Variants in SNTG1 observed in about 807,000 individuals in gnomAD.
SNTG1 encodes syntrophin gamma 1, also known as gamma-1-syntrophin.
In SNTG1, 39 loss-of-function variants were observed where a neutral mutation model predicts 74.7. The ratio of observed to expected loss-of-function variants is 0.52; its 90% CI spans 0.40 to 0.68. The LOEUF (loss-of-function observed/expected upper bound fraction) is 0.68. SNTG1 is among the 30% of genes least tolerant of loss of function. The probability of loss-of-function intolerance (pLI) is 0.00; values close to 1 mark genes in which losing one functional copy is unlikely to be tolerated. For synonymous variants in SNTG1, 254 were observed against 217.1 expected (o/e 1.17, Z -1.49); for missense variants, 685 against 609.5 (o/e 1.12, Z -1.30).
intron 1 of SNTG1, among the ~76,000 whole-genome samples, chr8:50,152,051 C>T (rs1396854548): frequency 6.6e-6 from 1 of 152,116 alleles, no homozygotes; most frequent in Non-Finnish European, 1.5e-5. Context: ...GTCTAAGTCT[C>T]TTTGTAGGTC....
intron 1 of SNTG1, among the ~76,000 whole-genome samples, chr8:49,938,602 C>CTTTTTTTTCTTTTCT (rs371390753): frequency 0.06 from 486 of 8,090 alleles, 22 homozygotes; most frequent in African/African-American, 0.12. Context: ...CTTTTCTTTT[C>CTTTTTTTTCTTTTCT]TTTTCTTTCT....
rs147748667 is a variant in SNTG1, at chr8:49,966,252, T to C, written c.-103+54021T>C. On this transcript the variant is annotated intron_variant, in intron 1 of 18. Coordinates refer to ENST00000642720, the MANE Select transcript of SNTG1 (RefSeq NM_018967.5). ...TTCTGTCTTTGTAAAAAGGTATATT[T>C]ATAGTTATTAGTCCATAAAATCATT... Among the ~76,000 whole-genome samples, 85 of 152,274 alleles carry C rather than the reference T, an allele frequency of 5.6e-4. No individual in the cohort carries two copies. The East Asian group carries it at 0.016, about 28-fold the overall frequency.
rs551722911 is a variant in SNTG1, at chr8:49,949,379, G to A, written c.-103+37148G>A. Among the ~76,000 whole-genome samples, 212 of 152,208 alleles carry A rather than the reference G, an allele frequency of 1.4e-3. 1 individual carries two copies. The highest frequency in any genetic ancestry group is 6.8e-3 in the Middle Eastern group (2 of 294). ...GATGAATACTGAATCCTTAGGTGTT[G>A]GACTACATGTATCTCAGTCCTTATG... On this transcript the variant is annotated intron_variant, in intron 1 of 18. Transcript: ENST00000642720.
At chr8:49,974,872 T>C (rs1812046924) in intron 1 of SNTG1, among the ~76,000 whole-genome samples, 2 of 152,174 alleles carry the variant, frequency 1.3e-5, no homozygotes, top group African/African-American at 4.8e-5. Context: ...TAATTGGTTT[T>C]GGGAAATGTA....
At chr8:50,525,370 A>G (rs929103712) in intron 9 of SNTG1, among the ~76,000 whole-genome samples, 1 of 152,138 alleles carries the variant, frequency 6.6e-6, no homozygotes, top group African/African-American at 2.4e-5. Context: ...TTCTAGGTTC[A>G]TCCTAGTTGG....
rs554906160 is a variant in SNTG1, at chr8:50,032,201, C to T, written c.-103+119970C>T. Among the ~76,000 whole-genome samples the T allele has an allele frequency of 5.9e-4, 90 of 152,050 alleles. 1 individual carries two copies. The South Asian group carries it at 0.018, about 31-fold the overall frequency. ...ATTCGTTTTTTCTTTTTCAGTCTTGCTACAGATGTGTCCATTCTATTGATA... is the reference window on the plus strand; with the variant it reads ...ATTCGTTTTTTCTTTTTCAGTCTTGTTACAGATGTGTCCATTCTATTGATA... On this transcript the variant is annotated intron_variant, in intron 1 of 18. Coordinates refer to ENST00000642720, the MANE Select transcript of SNTG1 (RefSeq NM_018967.5).
intron 8 of SNTG1, among the ~76,000 whole-genome samples, chr8:50,491,822 C>T (rs2093857356): frequency 6.6e-6 from 1 of 151,934 alleles, no homozygotes; most frequent in Non-Finnish European, 1.5e-5. Context: ...TGGTTTGCTG[C>T]ACCCATCAAC....
intron 1 of SNTG1, among the ~76,000 whole-genome samples, chr8:49,968,327 T>C (rs1355553899): frequency 6.6e-6 from 1 of 152,186 alleles, no homozygotes; most frequent in Admixed American, 6.5e-5. Flanking sequence ...CCCCCAATTA[T>C]GGTGTATTTT....
chr8:50,467,660 T>C (rs2093619881), intron 8 of SNTG1, among the ~76,000 whole-genome samples: 1 of 151,946 alleles, frequency 6.6e-6, no homozygotes, highest in Non-Finnish European at 1.5e-5. Context: ...TCTGTAGTTT[T>C]TGTTATTTGC....
chr8:50,085,039 G>A (rs1398791654), intron 1 of SNTG1, among the ~76,000 whole-genome samples: 1 of 152,204 alleles, frequency 6.6e-6, no homozygotes, highest in Non-Finnish European at 1.5e-5. Context: ...GAACATGTTT[G>A]TAGTTTAAGT....
chr8:50,678,697 T>C (rs1038500268), intron 15 of SNTG1, among the ~76,000 whole-genome samples: 2 of 152,186 alleles, frequency 1.3e-5, no homozygotes, highest in Non-Finnish European at 2.9e-5. Context: ...TATTAACTCA[T>C]ATTTATGTAA....
At chr8:50,091,231 A>G (rs1479878770) in intron 1 of SNTG1, among the ~76,000 whole-genome samples, 1 of 152,100 alleles carries the variant, frequency 6.6e-6, no homozygotes, top group Non-Finnish European at 1.5e-5. Flanking sequence ...TAAAATGATT[A>G]CTACAGTCAA....
chr8:50,440,414 C>T (rs2093347897), intron 5 of SNTG1, among the ~76,000 whole-genome samples: 2 of 151,900 alleles, frequency 1.3e-5, no homozygotes, highest in South Asian at 4.2e-4. Context: ...ATGATTCTTT[C>T]TTTTAACTAG....
chr8:50,536,823 AG>A lies in SNTG1; in HGVS notation c.680+17del. 1.2e-6 allele frequency: 2 copies of A among 1,613,332 alleles called. No individual in the cohort carries two copies. Among genetic ancestry groups the A allele is most frequent in the South Asian group, 2.2e-5 (2 of 90,958 alleles). ...GATTTGAGTCGGTGAGTCCGTGTTT[AG>A]GAGTTATGACTGTTTTGTTTATGAA... On this transcript the variant is annotated intron_variant, in intron 11 of 18. Coordinates refer to ENST00000642720, the MANE Select transcript of SNTG1 (RefSeq NM_018967.5).
intron 1 of SNTG1, among the ~76,000 whole-genome samples, chr8:50,152,104 T>C (rs1002381943): frequency 3.9e-5 from 6 of 152,338 alleles, no homozygotes; most frequent in Non-Finnish European, 7.3e-5. Flanking sequence ...CTGTATTGGG[T>C]GCATATATAT....
At chr8:50,258,481 T>C (rs965041058) in intron 2 of SNTG1, among the ~76,000 whole-genome samples, 7 of 152,284 alleles carry the variant, frequency 4.6e-5, no homozygotes, top group African/African-American at 1.4e-4. Flanking sequence ...AGATGTAGAC[T>C]TCAAAGCAAT....
At chr8:50,027,313 A>T (rs1262932013) in intron 1 of SNTG1, among the ~76,000 whole-genome samples, 6 of 152,054 alleles carry the variant, frequency 3.9e-5, no homozygotes, top group African/African-American at 1.4e-4. Context: ...TCAGCTGGTA[A>T]CCAGGTGTTG....
chr8:50,546,496 A>G (rs1234589107), intron 11 of SNTG1, among the ~76,000 whole-genome samples: 1 of 151,662 alleles, frequency 6.6e-6, no homozygotes, highest in Admixed American at 6.6e-5. Flanking sequence ...CTCGTCATTT[A>G]GCATTAGGTA....
chr8:50,357,432 A>G (rs2091850582), intron 2 of SNTG1, among the ~76,000 whole-genome samples: 1 of 152,256 alleles, frequency 6.6e-6, no homozygotes, highest in Admixed American at 6.5e-5. Flanking sequence ...GATATGAATT[A>G]TAAAAGCAGC....
Sources: allele counts gnomAD v4.1 joint callset (sites outside exome capture counted in the v4.1 genomes callset), GRCh38; gene constraint gnomAD v4.1.1; transcripts MANE v1.5; gene names NCBI Gene and HGNC (gene_info 2026-07-23, HGNC 2026-07-21).